Variants in SRPK2 observed in about 807,000 individuals in gnomAD.
SRPK2 encodes the protein SRSF protein kinase 2.
A neutral mutation model predicts 90.8 loss-of-function variants in SRPK2; 21 were observed. The observed-to-expected ratio is 0.23, with a 90% CI of 0.16 to 0.33. The LOEUF (loss-of-function observed/expected upper bound fraction) is 0.33, where lower values mean the gene tolerates loss of function less well. Ranked by LOEUF, SRPK2 falls within the 10% of genes least tolerant of loss-of-function variation. SRPK2 has a pLI of 1.00. For missense variants in SRPK2, 620 were observed against 869.0 expected (o/e 0.71, Z 3.60); for synonymous variants, 288 against 311.1 (o/e 0.93, Z 0.78).
chr7:105,218,036 T>C (rs945682135), intron 2 of SRPK2, among the ~76,000 whole-genome samples: 2 of 152,110 alleles, frequency 1.3e-5, no homozygotes, highest in Admixed American at 6.5e-5. Flanking sequence ...GAAAAAGGTG[T>C]CAATAGATCT....
At chr7:105,155,862 T>G (rs774079744) in intron 7 of SRPK2, among the ~76,000 whole-genome samples, 4 of 152,184 alleles carry the variant, frequency 2.6e-5, no homozygotes, top group African/African-American at 7.2e-5. Context: ...TGATTACCAG[T>G]GAGTACTTTC....
intron 2 of SRPK2, among the ~76,000 whole-genome samples, chr7:105,308,480 G>C (rs937031923): frequency 2.0e-5 from 3 of 152,192 alleles, no homozygotes; most frequent in African/African-American, 7.2e-5. Context: ...TTTCCTTAAA[G>C]AATGATGGGC....
chr7:105,149,014 C>T (rs1291378603), intron 7 of SRPK2, among the ~76,000 whole-genome samples: 1 of 152,156 alleles, frequency 6.6e-6, no homozygotes, highest in Non-Finnish European at 1.5e-5. Context: ...CAAGGTTTCT[C>T]CCCATGTGAT....
intron 3 of SRPK2, among the ~76,000 whole-genome samples, chr7:105,170,887 G>C (rs565962407): frequency 2.0e-5 from 2 of 100,480 alleles, no homozygotes; most frequent in East Asian, 6.6e-4. Context: ...AAGAAAGAAA[G>C]AAAGAAAGAA....
At chr7:105,368,972 C>T (rs188035882) in intron 2 of SRPK2, among the ~76,000 whole-genome samples, 171 of 150,772 alleles carry the variant, frequency 1.1e-3, no homozygotes, top group Middle Eastern at 3.5e-3. Flanking sequence ...GGGCAATGGA[C>T]TTCAAACTGT....
At chr7:105,268,580 G>A (rs1252222824) in intron 2 of SRPK2, among the ~76,000 whole-genome samples, 2 of 152,192 alleles carry the variant, frequency 1.3e-5, no homozygotes, top group Admixed American at 1.3e-4. Flanking sequence ...CTGTGTTATG[G>A]TGTGCATGCT....
chr7:105,203,855 T>C lies in SRPK2; in HGVS notation c.72-70A>G, dbSNP rs1795870697. The stretch of plus-strand genomic sequence containing the variant: ...TTGCATTATGGATGCATTTGAGCAC[T>C]TCTTAATATGGGGGAAAAAATAAAA... On this transcript the variant is annotated intron_variant, in intron 2 of 15. Transcript: ENST00000393651. The C allele has an allele frequency of 3.3e-6, 5 of 1,512,184 alleles. No individual in the cohort carries two copies. In the African/African-American group the frequency reaches 7.1e-5, roughly 21 times the overall value. 93.7% of individuals were successfully genotyped at this position (1,512,184 alleles called of 1,614,324 possible).
intron 2 of SRPK2, among the ~76,000 whole-genome samples, chr7:105,297,260 CCAAT>C (rs1809945500): frequency 6.6e-6 from 1 of 152,102 alleles, no homozygotes; most frequent in Non-Finnish European, 1.5e-5. Context: ...AAACCAATTG[CCAAT>C]CAAAGACCTT....
intron 2 of SRPK2, among the ~76,000 whole-genome samples, chr7:105,339,932 C>T (rs1815543443): frequency 6.6e-6 from 1 of 152,054 alleles, no homozygotes; most frequent in Admixed American, 6.6e-5. Context: ...GTGGCACACA[C>T]CTGTAGTCAA....
intron 3 of SRPK2, among the ~76,000 whole-genome samples, chr7:105,185,242 G>T (rs1346118712): frequency 2.7e-5 from 4 of 149,628 alleles, no homozygotes; most frequent in Non-Finnish European, 5.9e-5. Context: ...TCTTTTAAAA[G>T]AAAAAATTAA....
At chr7:105,234,890 CAAG>C (rs1448878026) in intron 2 of SRPK2, among the ~76,000 whole-genome samples, 1 of 152,232 alleles carries the variant, frequency 6.6e-6, no homozygotes, top group Non-Finnish European at 1.5e-5. Context: ...ATGAATTCCA[CAAG>C]AAGAAAGAGG....
chr7:105,305,873 A>T (rs141815174), intron 2 of SRPK2, among the ~76,000 whole-genome samples: 32 of 152,338 alleles, frequency 2.1e-4, no homozygotes, highest in African/African-American at 7.2e-4. Flanking sequence ...AGACTGAGGA[A>T]AACAAGTTCT....
intron 2 of SRPK2, among the ~76,000 whole-genome samples, chr7:105,372,614 G>C (rs943995347): frequency 6.6e-6 from 1 of 152,196 alleles, no homozygotes; most frequent in Admixed American, 6.6e-5. Context: ...TATAGCACCA[G>C]AAGATTCCAT....
chr7:105,364,266 C>G (rs181703586), intron 2 of SRPK2, among the ~76,000 whole-genome samples: 182 of 152,268 alleles, frequency 1.2e-3, no homozygotes, highest in African/African-American at 4.1e-3. Context: ...GAATTTGTTT[C>G]AAGCCTGATG....
chr7:105,146,258 G>A (rs976783620), intron 8 of SRPK2, among the ~76,000 whole-genome samples: 7 of 152,178 alleles, frequency 4.6e-5, no homozygotes, highest in African/African-American at 1.7e-4. Context: ...TATAGATGAA[G>A]CAGCAACTAC....
At chr7:105,188,211 T>C (rs1372956369) in intron 3 of SRPK2, among the ~76,000 whole-genome samples, 1 of 152,188 alleles carries the variant, frequency 6.6e-6, no homozygotes, top group African/African-American at 2.4e-5. Context: ...CAAGAATGAA[T>C]CTTTAAAACA....
At chr7:105,364,519 G>T (rs985321369) in intron 2 of SRPK2, among the ~76,000 whole-genome samples, 2 of 151,132 alleles carry the variant, frequency 1.3e-5, no homozygotes, top group Non-Finnish European at 2.9e-5. Flanking sequence ...TCCTGCCTCA[G>T]CCTCCCAAGT....
At chr7:105,283,932 G>T (rs1211848890) in intron 2 of SRPK2, among the ~76,000 whole-genome samples, 2 of 152,098 alleles carry the variant, frequency 1.3e-5, no homozygotes, top group Non-Finnish European at 1.5e-5. Context: ...CAACGCTATA[G>T]TGAGCCGTGA....
At chr7:105,343,923 C>T (rs957049603) in intron 2 of SRPK2, among the ~76,000 whole-genome samples, 25 of 152,026 alleles carry the variant, frequency 1.6e-4, no homozygotes, top group East Asian at 1.4e-3. Flanking sequence ...CCACCACACC[C>T]GGCTAATTTT....
Sources: allele counts gnomAD v4.1 joint callset (sites outside exome capture counted in the v4.1 genomes callset), GRCh38; gene constraint gnomAD v4.1.1; transcripts MANE v1.5; gene names NCBI Gene and HGNC (gene_info 2026-07-23, HGNC 2026-07-21).